Variants in CTNNA3 observed in about 807,000 individuals in gnomAD.
CTNNA3 encodes catenin alpha 3, also known as catenin alpha-3.
CTNNA3 carries 76 observed loss-of-function variants against 95.7 expected under a neutral mutation model. The observed-to-expected ratio is 0.79, with a 90% confidence interval of 0.66 to 0.96. The LOEUF (loss-of-function observed/expected upper bound fraction) is 0.96, where lower values mean the gene tolerates loss of function less well. Among genes scored for constraint, CTNNA3 ranks in the 40% least tolerant of loss-of-function variants. The probability of loss-of-function intolerance (pLI) is 0.00; values close to 1 mark genes in which losing one functional copy is unlikely to be tolerated. For synonymous variants in CTNNA3, 431 were observed against 374.4 expected (o/e 1.15, Z -1.74); for missense variants, 1,191 against 1,089.8 (o/e 1.09, Z -1.31).
intron 11 of CTNNA3, among the ~76,000 whole-genome samples, chr10:66,382,780 G>A (rs1487242101): frequency 6.6e-6 from 1 of 152,132 alleles, no homozygotes; most frequent in Non-Finnish European, 1.5e-5. Flanking sequence ...AGCCTCTGCT[G>A]GTGATACCCA....
intron 15 of CTNNA3, among the ~76,000 whole-genome samples, chr10:66,068,883 C>G (rs2080369919): frequency 6.6e-6 from 1 of 152,008 alleles, no homozygotes; most frequent in Admixed American, 6.6e-5. Context: ...ATATCTAGTT[C>G]TCATCTCAGA....
intron 14 of CTNNA3, among the ~76,000 whole-genome samples, chr10:66,085,301 A>C (rs2080938764): frequency 6.6e-6 from 1 of 152,252 alleles, no homozygotes; most frequent in African/African-American, 2.4e-5. Context: ...GGATAAAGTG[A>C]TAGGAGGAGG....
At chr10:67,574,478 GCATC>G (rs1842079562) in intron 3 of CTNNA3, among the ~76,000 whole-genome samples, 1 of 151,684 alleles carries the variant, frequency 6.6e-6, no homozygotes, top group African/African-American at 2.4e-5. Flanking sequence ...AAGACTAACA[GCATC>G]CATTCCACTT....
Position 67,337,487 on chromosome 10 carries a change from C to T in CTNNA3, c.580-117617G>A, listed in dbSNP as rs551532418. 3.9e-4 allele frequency among the ~76,000 whole-genome samples: 59 copies of T among 152,244 alleles called. 1 individual carries two copies. Among genetic ancestry groups the T allele is most frequent in the African/African-American group, 1.0e-3 (42 of 41,550 alleles). On this transcript the variant is annotated intron_variant, in intron 5 of 17. Transcript: ENST00000433211. ...GCAGTGAACACTGTTTAAATGACAA[C>T]AAAGGATTTGGAATATTACATAAAC... is the stretch of plus-strand genomic sequence containing the variant.
Position 67,647,532 on chromosome 10 carries a change from C to T in CTNNA3, c.-5-14G>A. ...CTGACATGCTGCCTGTGCACAAACACAAAAGGATGCTTATTAATAAAGAAA... is the reference window on the plus strand; with the variant it reads ...CTGACATGCTGCCTGTGCACAAACATAAAAGGATGCTTATTAATAAAGAAA... On this transcript the variant is annotated splice_polypyrimidine_tract_variant and intron_variant, in intron 1 of 17. Transcript: ENST00000433211. 1 of 1,597,976 alleles carries T rather than the reference C, an allele frequency of 6.3e-7. No individual in the cohort carries two copies. The highest frequency in any genetic ancestry group is 8.6e-7 in the Non-Finnish European group (1 of 1,167,736).
intron 14 of CTNNA3, among the ~76,000 whole-genome samples, chr10:66,095,112 G>A (rs1158859338): frequency 1.3e-5 from 2 of 152,126 alleles, no homozygotes; most frequent in Non-Finnish European, 2.9e-5. Context: ...TGTAGTCAGA[G>A]CTGAAAAGAC....
chr10:66,029,542 A>C (rs535413685), intron 15 of CTNNA3, among the ~76,000 whole-genome samples: 1 of 152,304 alleles, frequency 6.6e-6, no homozygotes, highest in East Asian at 1.9e-4. Flanking sequence ...CTAACTGATC[A>C]CACTACTTAA....
At chr10:66,036,974 G>A (rs893906843) in intron 15 of CTNNA3, among the ~76,000 whole-genome samples, 5 of 140,378 alleles carry the variant, frequency 3.6e-5, no homozygotes, top group African/African-American at 7.9e-5. Flanking sequence ...GTGGGTTCAC[G>A]CCATTCTCCT....
intron 7 of CTNNA3, among the ~76,000 whole-genome samples, chr10:66,813,108 G>T (rs1453370020): frequency 6.6e-6 from 1 of 152,140 alleles, no homozygotes; most frequent in Non-Finnish European, 1.5e-5. Flanking sequence ...ATGAGAAGGG[G>T]AAAGGATAAA....
chr10:66,949,845 T>A (rs17297327), intron 7 of CTNNA3, among the ~76,000 whole-genome samples: 53,076 of 152,044 alleles, frequency 0.35, 11,540 homozygotes, highest in East Asian at 0.6. Flanking sequence ...TAACAATGTG[T>A]GCAGAGAGGA....
chr10:67,364,577 C>A (rs774200009), intron 5 of CTNNA3, among the ~76,000 whole-genome samples: 3 of 152,106 alleles, frequency 2.0e-5, no homozygotes, highest in Non-Finnish European at 4.4e-5. Context: ...TCCTATACAC[C>A]AATAGCAGAC....
At chr10:67,241,533 C>A (rs114356820) in intron 5 of CTNNA3, among the ~76,000 whole-genome samples, 1,551 of 151,830 alleles carry the variant, frequency 0.01, 17 homozygotes, top group African/African-American at 0.024. Flanking sequence ...TATTTTTATC[C>A]TTGCAATTCC....
chr10:65,914,175 C>CATAATTGTTAGAAATCTG lies in CTNNA3; in HGVS notation c.*6137_*6154dup, dbSNP rs2076979596. The CATAATTGTTAGAAATCTG allele has an allele frequency of 6.6e-6, 1 of 152,130 alleles. No individual in the cohort carries two copies. The highest frequency in any genetic ancestry group is 1.5e-5 in the Non-Finnish European group (1 of 68,020). 9.4% of individuals were successfully genotyped at this position (152,130 alleles called of 1,614,324 possible). On this transcript the variant is annotated 3_prime_UTR_variant, in exon 18 of 18. Transcript: ENST00000433211. ...GTTCTAAATTGAAGAAACATTTAGA[C>CATAATTGTTAGAAATCTG]ATAATTGTTAGAAATCTGAGCCTTT... is the stretch of plus-strand genomic sequence containing the variant.
chr10:67,745,749 G>A (rs1444901574), intron 1 of CTNNA3, among the ~76,000 whole-genome samples: 1 of 151,924 alleles, frequency 6.6e-6, no homozygotes, highest in East Asian at 1.9e-4. Flanking sequence ...GAATCAACAT[G>A]CAAAAATCAG....
intron 9 of CTNNA3, among the ~76,000 whole-genome samples, chr10:66,729,909 C>A (rs900820623): frequency 6.6e-6 from 1 of 150,614 alleles, no homozygotes; most frequent in Non-Finnish European, 1.5e-5. Flanking sequence ...TCGAGACCAT[C>A]CTGGCTAATG....
At chr10:67,660,612 C>G (rs1009631056) in intron 1 of CTNNA3, among the ~76,000 whole-genome samples, 6 of 152,094 alleles carry the variant, frequency 3.9e-5, no homozygotes, top group African/African-American at 1.4e-4. Flanking sequence ...ATGTAAAAAG[C>G]CTCCCAACCT....
At chr10:66,096,861 C>A (rs1358162874) in intron 14 of CTNNA3, among the ~76,000 whole-genome samples, 5 of 152,112 alleles carry the variant, frequency 3.3e-5, no homozygotes. Context: ...TCCTATGCAA[C>A]TTTATGAGAA....
intron 7 of CTNNA3, among the ~76,000 whole-genome samples, chr10:67,176,730 TA>T (rs761104101): frequency 2.0e-5 from 3 of 152,144 alleles, no homozygotes; most frequent in Non-Finnish European, 4.4e-5. Context: ...ACATGAGTCC[TA>T]AAAAGAAGAG....
At chr10:67,145,802 T>C (rs1297615094) in intron 7 of CTNNA3, among the ~76,000 whole-genome samples, 1 of 152,164 alleles carries the variant, frequency 6.6e-6, no homozygotes, top group African/African-American at 2.4e-5. Flanking sequence ...CCTAAGCTAA[T>C]AATAATAGGA....
Sources: allele counts gnomAD v4.1 joint callset (sites outside exome capture counted in the v4.1 genomes callset), GRCh38; gene constraint gnomAD v4.1.1; transcripts MANE v1.5; gene names NCBI Gene and HGNC (gene_info 2026-07-23, HGNC 2026-07-21).